The following EEA1 variants were observed in gnomAD, a reference collection of about 807,000 sequenced individuals.
EEA1 encodes the protein early endosome antigen 1, 162kD.
EEA1 carries 111 observed loss-of-function variants against 209.2 expected under a neutral mutation model. The observed-to-expected ratio is 0.53, with a 90% CI of 0.45 to 0.62. The LOEUF is 0.62. EEA1 is among the 20% of genes least tolerant of loss of function. EEA1 has a pLI of 0.00. For missense variants in EEA1, 1,343 were observed against 1,530.8 expected, an observed-to-expected ratio of 0.88 and a Z score of 2.05; for synonymous variants, 536 against 540.6, an observed-to-expected ratio of 0.99 and a Z score of 0.12.
At chr12:92,890,604 T>G (rs978642329) in intron 2 of EEA1, among the ~76,000 whole-genome samples, 1 of 152,174 alleles carries the variant, frequency 6.6e-6, no homozygotes, top group East Asian at 1.9e-4. Context: ...TTTTTTGGTG[T>G]TGTTCTGATT....
chr12:92,805,834 C>A (rs942660429), intron 18 of EEA1, among the ~76,000 whole-genome samples: 1 of 152,116 alleles, frequency 6.6e-6, no homozygotes, highest in Non-Finnish European at 1.5e-5. Flanking sequence ...ATTTCATATA[C>A]TAATAAATCG....
chr12:92,927,207 G>A (rs1881247624), intron 1 of EEA1, among the ~76,000 whole-genome samples: 1 of 152,156 alleles, frequency 6.6e-6, no homozygotes, highest in South Asian at 2.1e-4. Context: ...GGATATAGGG[G>A]AATGCTACTG....
intron 14 of EEA1, among the ~76,000 whole-genome samples, chr12:92,817,703 T>C (rs537107925): frequency 2.2e-4 from 34 of 152,206 alleles, no homozygotes; most frequent in Non-Finnish European, 4.1e-4. Context: ...ACATGTGTAG[T>C]AATCTTTTAC....
chr12:92,842,689 A>G, intron 9 of EEA1, 108 bp from the exon 10 acceptor site: 1 of 701,980 alleles, frequency 1.4e-6, no homozygotes, highest in East Asian at 3.1e-5. Flanking sequence ...TGTTGTTGGA[A>G]TTTTCAATTT....
intron 23 of EEA1, 105 bp downstream of exon 23, chr12:92,781,845 T>C: frequency 2.0e-6 from 2 of 1,009,120 alleles, no homozygotes; most frequent in South Asian, 3.4e-5. Flanking sequence ...GAGAGAGCTG[T>C]TGAAAATAAG....
intron 16 of EEA1, among the ~76,000 whole-genome samples, chr12:92,812,641 T>C (rs1405798649): frequency 1.3e-5 from 2 of 152,046 alleles, no homozygotes; most frequent in African/African-American, 4.8e-5. Flanking sequence ...GTCTGCCCCA[T>C]CCAATCACCA....
In EEA1 at chr12:92,832,675, T is replaced by C; in HGVS notation, c.1091A>G (p.His364Arg). 14 of 1,614,030 alleles carry C rather than the reference T, an allele frequency of 8.7e-6. No individual in the cohort carries two copies. Among genetic ancestry groups the C allele is most frequent in the African/African-American group, 1.3e-5 (1 of 75,052 alleles). ...TTCTCCTTTTTCACTTAGTTCTACA[T>C]GTATTCTATGCAGTGAGGTTTCAGA... ...SASETSLHRIHVELSEKGEAT... is the reference protein window; with the variant it reads ...SASETSLHRIRVELSEKGEAT... Residue 364 changes from histidine (H) to arginine (R), a missense_variant, in exon 11 of 29, where the codon CAT (histidine) becomes CGT (arginine). Coordinates refer to ENST00000322349, the MANE Select transcript of EEA1 (RefSeq NM_003566.4).
At chr12:92,893,670 A>T (rs1182034944) in intron 1 of EEA1, among the ~76,000 whole-genome samples, 1 of 152,214 alleles carries the variant, frequency 6.6e-6, no homozygotes, top group East Asian at 1.9e-4. Flanking sequence ...GATTAAAAAG[A>T]AATATTCCAA....
At chr12:92,925,461 C>T (rs1272906655) in intron 1 of EEA1, among the ~76,000 whole-genome samples, 4 of 152,152 alleles carry the variant, frequency 2.6e-5, no homozygotes, top group Non-Finnish European at 2.9e-5. Context: ...GTGATCTGCA[C>T]GCCTCGGCTT....
chr12:92,857,572 AT>A (rs1442567609), intron 3 of EEA1, 87 bp from the exon 4 acceptor site: 1 of 767,844 alleles, frequency 1.3e-6, no homozygotes, highest in African/African-American at 1.8e-5. Context: ...GTAATTGTAT[AT>A]TAATATTATA....
chr12:92,779,100 G>A lies in EEA1; in HGVS notation c.3654+15C>T, dbSNP rs368788955. 64 of 1,589,970 alleles carry A rather than the reference G, an allele frequency of 4.0e-5. No homozygotes were observed. The highest frequency in any genetic ancestry group is 1.7e-4 in the Middle Eastern group (1 of 5,962). ...CTCTACTGCAAAACACACTTCCCCCGATTAACTCACTGACCAACTTAGCTT... is the reference window on the plus strand; with the variant it reads ...CTCTACTGCAAAACACACTTCCCCCAATTAACTCACTGACCAACTTAGCTT... On this transcript the variant is annotated intron_variant, in intron 25 of 28. Coordinates refer to ENST00000322349, the MANE Select transcript of EEA1 (RefSeq NM_003566.4).
chr12:92,928,606 C>A (rs1468524710), intron 1 of EEA1, among the ~76,000 whole-genome samples: 1 of 151,896 alleles, frequency 6.6e-6, no homozygotes, highest in Admixed American at 6.5e-5. Context: ...TTGGGGGGCA[C>A]GGGGAGTGCG....
intron 14 of EEA1, among the ~76,000 whole-genome samples, chr12:92,817,694 C>T (rs61933750): frequency 0.022 from 3,382 of 152,296 alleles, 55 homozygotes; most frequent in Non-Finnish European, 0.036. Context: ...TGTTTCTTCA[C>T]ATGTGTAGTA....
chr12:92,838,947 G>A (rs1011080353), intron 10 of EEA1, among the ~76,000 whole-genome samples: 3 of 151,792 alleles, frequency 2.0e-5, no homozygotes, highest in African/African-American at 7.3e-5. Flanking sequence ...TTACTAGAAA[G>A]ACCGACAGAC....
chr12:92,807,133 T>C (rs1565816028), intron 18 of EEA1, among the ~76,000 whole-genome samples: 1 of 152,126 alleles, frequency 6.6e-6, no homozygotes, highest in Non-Finnish European at 1.5e-5. Flanking sequence ...TTTGTATTTT[T>C]AGTGGAGACG....
At chr12:92,784,768 TATA>T (rs1234430759) in intron 22 of EEA1, among the ~76,000 whole-genome samples, 2 of 152,212 alleles carry the variant, frequency 1.3e-5, no homozygotes, top group Non-Finnish European at 1.5e-5. Context: ...TATTGCAGAT[TATA>T]ATAATATTGC....
chr12:92,892,369 G>A (rs1879686377), intron 1 of EEA1, among the ~76,000 whole-genome samples: 1 of 152,076 alleles, frequency 6.6e-6, no homozygotes, highest in African/African-American at 2.4e-5. Flanking sequence ...TGGGGTTACA[G>A]GTGTGAGCCA....
At position 92,806,434 on chromosome 12, in the gene EEA1, G is replaced by GA. The variant is rs1201497033; in HGVS notation, c.2339+2582dup. On this transcript the variant is annotated intron_variant, in intron 18 of 28. Coordinates refer to ENST00000322349, the MANE Select transcript of EEA1 (RefSeq NM_003566.4). Reference sequence around the variant, plus strand: ...ACACAATGTACCAAAACTGACTCAAGAAAAAAAAATCAGGAAATTAGAATA... The same window carrying GA: ...ACACAATGTACCAAAACTGACTCAAGAAAAAAAAAATCAGGAAATTAGAATA... Among the ~76,000 whole-genome samples the GA allele has an allele frequency of 8.0e-5, 12 of 150,050 alleles. 1 individual carries two copies. The highest frequency in any genetic ancestry group is 4.6e-4 in the Admixed American group (7 of 15,104).
intron 2 of EEA1, among the ~76,000 whole-genome samples, chr12:92,871,161 C>T (rs1235474107): frequency 6.6e-6 from 1 of 151,956 alleles, no homozygotes; most frequent in African/African-American, 2.4e-5. Flanking sequence ...AAAATTGATA[C>T]AAAATATTAA....
Sources: gnomAD v4.1 joint callset for allele counts (sites outside exome capture counted in the v4.1 genomes callset) on GRCh38, gnomAD v4.1.1 for gene constraint, MANE v1.5 for transcripts, NCBI Gene and HGNC (gene_info 2026-07-23, HGNC 2026-07-21) for gene names.